MRPL48: variants seen among roughly 807,000 people sequenced by gnomAD.
MRPL48 encodes the protein large ribosomal subunit protein mL48.
In MRPL48, 16 loss-of-function variants were observed where a neutral mutation model predicts 32.9. The ratio of observed to expected loss-of-function variants is 0.49; its 90% CI spans 0.33 to 0.74. MRPL48 has a LOEUF of 0.74. Among genes scored for constraint, MRPL48 ranks in the 30% least tolerant of loss-of-function variants. The probability of loss-of-function intolerance (pLI) is 0.02; values close to 1 mark genes in which losing one functional copy is unlikely to be tolerated. For missense variants in MRPL48, 206 were observed against 245.3 expected (o/e 0.84, Z 1.07); for synonymous variants, 94 against 89.2 (o/e 1.05, Z -0.31).
chr11:73,789,135 A>G (rs1947102408), intron 1 of MRPL48, among the ~76,000 whole-genome samples: 1 of 151,810 alleles, frequency 6.6e-6, no homozygotes, highest in Non-Finnish European at 1.5e-5. Context: ...GCCAGTTTGT[A>G]AGAATTTGGC....
intron 5 of MRPL48, among the ~76,000 whole-genome samples, chr11:73,852,849 G>A (rs550649237): frequency 5.3e-5 from 8 of 152,340 alleles, no homozygotes; most frequent in Admixed American, 1.3e-4. Flanking sequence ...AGCAACCGGA[G>A]TGTCTGTCAA....
chr11:73,800,817 T>TC (rs1947348735), intron 1 of MRPL48, among the ~76,000 whole-genome samples: 1 of 137,588 alleles, frequency 7.3e-6, no homozygotes, highest in African/African-American at 2.5e-5. Flanking sequence ...TTTCTTTTTT[T>TC]TTTTTTTTTT....
intron 3 of MRPL48, among the ~76,000 whole-genome samples, chr11:73,812,369 C>T (rs1412629451): frequency 6.6e-6 from 1 of 151,942 alleles, no homozygotes; most frequent in African/African-American, 2.4e-5. Flanking sequence ...CAGCCATTTT[C>T]GTATGTCTTT....
intron 3 of MRPL48, among the ~76,000 whole-genome samples, chr11:73,825,294 G>A (rs979572762): frequency 4.8e-4 from 70 of 145,988 alleles, no homozygotes; most frequent in African/African-American, 1.6e-3. Flanking sequence ...ATGTGTGTGT[G>A]TGTGTGTGTG....
intron 1 of MRPL48, among the ~76,000 whole-genome samples, chr11:73,798,464 G>C (rs1426969962): frequency 6.6e-6 from 1 of 151,960 alleles, no homozygotes; most frequent in Non-Finnish European, 1.5e-5. Context: ...ATACATGAAG[G>C]GTTTGACTTC....
In MRPL48 at chr11:73,829,072, G is replaced by A. The variant is rs1038986193; in HGVS notation, c.201+3276G>A. Among the ~76,000 whole-genome samples, 54 of 152,098 alleles carry A rather than the reference G, an allele frequency of 3.6e-4. 1 individual carries two copies. The highest frequency in any genetic ancestry group is 8.8e-5 in the Non-Finnish European group (6 of 68,024). Reference sequence around the variant, plus strand: ...CCCACTCCATTAACATGGTATAAAAGGAAGCTTAATGCCGTCTGTCCCCAC... The same window carrying A: ...CCCACTCCATTAACATGGTATAAAAAGAAGCTTAATGCCGTCTGTCCCCAC... On this transcript the variant is annotated intron_variant, in intron 4 of 7. Coordinates refer to ENST00000310614, the MANE Select transcript of MRPL48 (RefSeq NM_016055.6).
intron 4 of MRPL48, among the ~76,000 whole-genome samples, chr11:73,841,123 A>C (rs1331779945): frequency 1.3e-5 from 2 of 152,186 alleles, no homozygotes. Flanking sequence ...CCCACAAGAA[A>C]ACCTGACTAT....
chr11:73,848,796 G>A (rs1948340357), intron 5 of MRPL48, among the ~76,000 whole-genome samples: 1 of 151,764 alleles, frequency 6.6e-6, no homozygotes, highest in Non-Finnish European at 1.5e-5. Flanking sequence ...AATCCCATGG[G>A]TAGAAATTTC....
chr11:73,794,184 G>GTATCTATCTATCTGTCTATCTATC (rs376507552), intron 1 of MRPL48, among the ~76,000 whole-genome samples: 4 of 139,178 alleles, frequency 2.9e-5, no homozygotes, highest in South Asian at 2.3e-4. Context: ...GTGAGACCCT[G>GTATCTATCTATCTGTCTATCTATC]TATCTATCTA....
intron 5 of MRPL48, among the ~76,000 whole-genome samples, chr11:73,858,735 T>G (rs1948530713): frequency 6.6e-6 from 1 of 152,236 alleles, no homozygotes; most frequent in Admixed American, 6.5e-5. Flanking sequence ...ACTACCATAT[T>G]TCCATGTAGC....
chr11:73,864,266 T>G, intron 7 of MRPL48, 30 bp from the exon 8 acceptor site: 1 of 1,603,214 alleles, frequency 6.2e-7, no homozygotes, highest in African/African-American at 1.3e-5. Flanking sequence ...CTGCAGTAAT[T>G]ACCGCTTATT....
intron 4 of MRPL48, chr11:73,842,573 A>T: frequency 6.6e-6 from 1 of 152,214 alleles, no homozygotes; most frequent in Admixed American, 6.6e-5. Flanking sequence ...CCCGGGTTCA[A>T]GCAATTCTCC....
intron 1 of MRPL48, among the ~76,000 whole-genome samples, chr11:73,790,882 T>G (rs985463000): frequency 7.1e-6 from 1 of 141,476 alleles, no homozygotes; most frequent in Non-Finnish European, 1.5e-5. Context: ...TTTCTGTTCT[T>G]TTTTTTTTTT....
chr11:73,834,541 T>G lies in MRPL48; in HGVS notation c.201+8745T>G, dbSNP rs7934268. On this transcript the variant is annotated intron_variant, in intron 4 of 7. Coordinates refer to ENST00000310614, the MANE Select transcript of MRPL48 (RefSeq NM_016055.6). ...TTGTTTTTGCTGGTTTTTTTTTTTG[T>G]TTTTTTTTTTGAGACGGAGTCTCGC... 2.4e-3 allele frequency among the ~76,000 whole-genome samples: 310 copies of G among 129,042 alleles called. 1 individual carries two copies. Among genetic ancestry groups the G allele is most frequent in the African/African-American group, 8.4e-3 (295 of 35,008 alleles). The allele number at this position is 129,042 out of a possible 152,430, so 84.7% of individuals were successfully genotyped here. A position where few individuals can be genotyped will look rare whatever the true frequency, so the allele number is the denominator to read the frequency against.
chr11:73,823,311 G>A (rs550789820), intron 3 of MRPL48, among the ~76,000 whole-genome samples: 7 of 152,154 alleles, frequency 4.6e-5, no homozygotes, highest in African/African-American at 1.7e-4. Context: ...AAGAAATGAG[G>A]GCAGGACCAC....
At chr11:73,861,446 C>T (rs554806712) in intron 6 of MRPL48, among the ~76,000 whole-genome samples, 6 of 152,220 alleles carry the variant, frequency 3.9e-5, no homozygotes, top group South Asian at 2.1e-4. Flanking sequence ...CTCGGCTCAC[C>T]GCAACCTTCG....
chr11:73,809,265 T>C (rs1321008700), intron 3 of MRPL48, among the ~76,000 whole-genome samples: 4 of 152,032 alleles, frequency 2.6e-5, no homozygotes, highest in African/African-American at 9.7e-5. Context: ...CCCAGCACTT[T>C]GGGAGGCCGA....
rs191994214 is a variant in MRPL48, at chr11:73,836,900, C to T, written c.202-7907C>T. ...AGGTCAGATTTTCTGTGGCTTCCAT[C>T]TAAGTCTAGTGCACTTTATATAGCA... On this transcript the variant is annotated intron_variant, in intron 4 of 7. Transcript: ENST00000310614. Among the ~76,000 whole-genome samples the T allele has an allele frequency of 2.6e-5, 4 of 152,352 alleles. No homozygotes were observed. In the East Asian group the frequency reaches 7.7e-4, roughly 29 times the overall value.
At chr11:73,844,195 C>A (rs565606617) in intron 4 of MRPL48, among the ~76,000 whole-genome samples, 1 of 152,012 alleles carries the variant, frequency 6.6e-6, no homozygotes, top group Admixed American at 6.6e-5. Flanking sequence ...TTTGGGAGGC[C>A]GAGGCGGGTG....
Sources: gnomAD v4.1 joint callset for allele counts (sites outside exome capture counted in the v4.1 genomes callset) on GRCh38, gnomAD v4.1.1 for gene constraint, MANE v1.5 for transcripts, NCBI Gene and HGNC (gene_info 2026-07-23, HGNC 2026-07-21) for gene names.